Variants in LPP observed in about 807,000 individuals in gnomAD.
The protein encoded by LPP is LIM domain containing preferred translocation partner in lipoma.
In LPP, 38 loss-of-function variants were observed where a neutral mutation model predicts 60.4. The observed-to-expected ratio is 0.63, with a 90% CI of 0.49 to 0.83. The LOEUF (loss-of-function observed/expected upper bound fraction) is 0.83. Among genes scored for constraint, LPP ranks in the 40% least tolerant of loss-of-function variants. The pLI is 0.00. For synonymous variants in LPP, 328 were observed against 290.8 expected (o/e 1.13, Z -1.30); for missense variants, 902 against 783.6 (o/e 1.15, Z -1.80).
intron 5 of LPP, among the ~76,000 whole-genome samples, chr3:188,497,240 G>T (rs544956663): frequency 6.6e-6 from 1 of 152,270 alleles, no homozygotes; most frequent in Admixed American, 6.5e-5. Context: ...ACATCAGGAT[G>T]TGATTTGGGG....
In LPP at chr3:188,529,834, G is replaced by A. The variant is rs145305600; in HGVS notation, c.429+5047G>A. On this transcript the variant is annotated intron_variant, in intron 6 of 11. Coordinates refer to ENST00000617246, the MANE Select transcript of LPP (RefSeq NM_001375462.1). ...TTAATCTTACAGAAGAGATAAGCCC[G>A]TAAGTAACCCAAAGGGACACAGGAG... Among the ~76,000 whole-genome samples the A allele has an allele frequency of 1.6e-4, 25 of 152,276 alleles. No homozygotes were observed. The East Asian group carries it at 4.8e-3, about 29-fold the overall frequency.
chr3:188,347,440 C>A (rs1351189624), intron 3 of LPP, among the ~76,000 whole-genome samples: 1 of 152,114 alleles, frequency 6.6e-6, no homozygotes, highest in Non-Finnish European at 1.5e-5. Flanking sequence ...GTTCTTCAAA[C>A]TTCTGTCAGG....
At chr3:188,839,954 T>C (rs1312989975) in intron 9 of LPP, among the ~76,000 whole-genome samples, 1 of 152,222 alleles carries the variant, frequency 6.6e-6, no homozygotes, top group Non-Finnish European at 1.5e-5. Context: ...AGTTTTATTA[T>C]CCACAAATAA....
At chr3:188,566,145 G>A (rs1240277165) in intron 6 of LPP, among the ~76,000 whole-genome samples, 2 of 151,940 alleles carry the variant, frequency 1.3e-5, no homozygotes, top group African/African-American at 4.8e-5. Flanking sequence ...GGAAAAATTT[G>A]AAAATTATAC....
chr3:188,277,877 T>G (rs1279771554), intron 2 of LPP, among the ~76,000 whole-genome samples: 1 of 152,172 alleles, frequency 6.6e-6, no homozygotes, highest in Non-Finnish European at 1.5e-5. Context: ...GCTATTGTCA[T>G]TCGCCCTAAA....
At chr3:188,246,110 A>G (rs949203106) in intron 2 of LPP, among the ~76,000 whole-genome samples, 3 of 152,164 alleles carry the variant, frequency 2.0e-5, no homozygotes, top group Non-Finnish European at 4.4e-5. Flanking sequence ...TTGTTTTATC[A>G]TCCCAGACAT....
At chr3:188,688,143 T>C (rs1413960943) in intron 7 of LPP, among the ~76,000 whole-genome samples, 1 of 152,222 alleles carries the variant, frequency 6.6e-6, no homozygotes, top group Non-Finnish European at 1.5e-5. Flanking sequence ...AACAATAATC[T>C]ATATGATGGG....
chr3:188,772,917 T>C (rs138281546), intron 9 of LPP, among the ~76,000 whole-genome samples: 221 of 152,212 alleles, frequency 1.5e-3, no homozygotes, highest in African/African-American at 5.1e-3. Flanking sequence ...TGAGACTATG[T>C]ATGTATAAGA....
chr3:188,475,429 A>G (rs1459784792), intron 4 of LPP, among the ~76,000 whole-genome samples: 2 of 152,202 alleles, frequency 1.3e-5, no homozygotes, highest in Admixed American at 1.3e-4. Context: ...GTTTTTTAAA[A>G]AAATGCATGC....
At chr3:188,522,539 T>A (rs576291851) in intron 5 of LPP, among the ~76,000 whole-genome samples, 1 of 152,084 alleles carries the variant, frequency 6.6e-6, no homozygotes, top group Admixed American at 6.6e-5. Flanking sequence ...GAACACTTAT[T>A]TGGGCTAGGT....
At chr3:188,860,067 C>CAAGA (rs1165521622) in intron 9 of LPP, among the ~76,000 whole-genome samples, 1 of 150,842 alleles carries the variant, frequency 6.6e-6, no homozygotes, top group Admixed American at 6.6e-5. Flanking sequence ...TTAGAAAGAC[C>CAAGA]AAGAGAAATG....
chr3:188,609,540 G>T lies in LPP; in HGVS notation c.809G>T (p.Gly270Val). ...GQCPPPSTRG[G>V]MDYAYIPPPG... ...TGTCCACCTCCTTCAACACGGGGAG[G>T]CATGGATTATGCCTACATTCCACCA... The change falls in exon 7 of 12, where the codon GGC (glycine) becomes GTC (valine). Residue 270 changes from glycine to valine, a missense_variant. Gly to Val is a moderately radical substitution (Grantham distance 109). Coordinates refer to ENST00000617246, the MANE Select transcript of LPP (RefSeq NM_001375462.1). This position sits in a 1 kb window ranked among gnomAD's most constrained non-coding sequence, Gnocchi z 6.9. 4 of 1,614,142 alleles carry T rather than the reference G, an allele frequency of 2.5e-6. No homozygotes were observed. The highest frequency in any genetic ancestry group is 1.7e-6 in the Non-Finnish European group (2 of 1,180,034).
At chr3:188,546,422 G>A (rs1826668678) in intron 6 of LPP, among the ~76,000 whole-genome samples, 2 of 152,122 alleles carry the variant, frequency 1.3e-5, no homozygotes, top group South Asian at 2.1e-4. Context: ...ACACATGCAG[G>A]AGTATCATTA....
At chr3:188,512,872 C>T (rs901853787) in intron 5 of LPP, among the ~76,000 whole-genome samples, 2 of 151,920 alleles carry the variant, frequency 1.3e-5, no homozygotes, top group African/African-American at 4.8e-5. Flanking sequence ...CCTGTGTTAC[C>T]AAAATGAAAA....
At chr3:188,436,937 G>A (rs981862750) in intron 4 of LPP, among the ~76,000 whole-genome samples, 3 of 151,962 alleles carry the variant, frequency 2.0e-5, no homozygotes, top group Non-Finnish European at 4.4e-5. Flanking sequence ...GACATGAGGT[G>A]CACAGAGCAA....
chr3:188,755,060 C>A (rs1729686116), intron 8 of LPP, among the ~76,000 whole-genome samples: 2 of 152,136 alleles, frequency 1.3e-5, no homozygotes, highest in Non-Finnish European at 2.9e-5. Context: ...ACTTTTAGAA[C>A]CAAGACTTTT....
At chr3:188,385,156 T>C (rs1428513996) in intron 3 of LPP, among the ~76,000 whole-genome samples, 2 of 152,066 alleles carry the variant, frequency 1.3e-5, no homozygotes, top group African/African-American at 2.4e-5. Context: ...TCCACCTCAA[T>C]TGAGAACTGA....
chr3:188,672,014 T>G (rs1857047870), intron 7 of LPP, among the ~76,000 whole-genome samples: 1 of 152,210 alleles, frequency 6.6e-6, no homozygotes, highest in South Asian at 2.1e-4. Context: ...ATAGCAATCA[T>G]TGTTTAAATA....
At chr3:188,834,699 T>C (rs1757969293) in intron 9 of LPP, among the ~76,000 whole-genome samples, 1 of 152,214 alleles carries the variant, frequency 6.6e-6, no homozygotes, top group Non-Finnish European at 1.5e-5. Flanking sequence ...AAGCTGACAT[T>C]CCTTAACTCT....
Sources: gnomAD v4.1 joint callset for allele counts (sites outside exome capture counted in the v4.1 genomes callset) on GRCh38, gnomAD v4.1.1 for gene constraint, Gnocchi (gnomAD v3.1) non-coding constraint, MANE v1.5 for transcripts, NCBI Gene and HGNC (gene_info 2026-07-23, HGNC 2026-07-21) for gene names.